Variants in EIPR1 observed in about 807,000 individuals in gnomAD.
EIPR1 encodes the protein EARP complex and GARP complex interacting protein 1.
In EIPR1, 25 loss-of-function variants were observed where a neutral mutation model predicts 48.1. The ratio of observed to expected loss-of-function variants is 0.52; its 90% CI spans 0.38 to 0.73. The LOEUF (loss-of-function observed/expected upper bound fraction) is 0.73, where lower values mean the gene tolerates loss of function less well. EIPR1 is among the 30% of genes least tolerant of loss of function. The pLI is 0.00. For synonymous variants in EIPR1, 204 were observed against 201.9 expected (o/e 1.01, Z -0.09); for missense variants, 415 against 506.2 (o/e 0.82, Z 1.73).
intron 3 of EIPR1, among the ~76,000 whole-genome samples, chr2:3,288,914 A>G (rs1360858709): frequency 6.6e-6 from 1 of 152,206 alleles, no homozygotes; most frequent in Non-Finnish European, 1.5e-5. Flanking sequence ...AGGCCCCAGC[A>G]GCCCTGGCCC....
intron 5 of EIPR1, among the ~76,000 whole-genome samples, chr2:3,213,525 T>C (rs1294420246): frequency 6.6e-6 from 1 of 152,222 alleles, no homozygotes; most frequent in East Asian, 1.9e-4. Context: ...TGCTCCTACT[T>C]AAAACTATGA....
intron 2 of EIPR1, among the ~76,000 whole-genome samples, chr2:3,345,024 C>T (rs1287226299): frequency 6.6e-6 from 1 of 152,162 alleles, no homozygotes; most frequent in Admixed American, 6.5e-5. Flanking sequence ...ACAGTACACT[C>T]GGCAGTGGGA....
chr2:3,285,010 T>C (rs1002626917), intron 3 of EIPR1, among the ~76,000 whole-genome samples: 3 of 152,110 alleles, frequency 2.0e-5, no homozygotes, highest in African/African-American at 7.2e-5. Flanking sequence ...AAGGGCAAGA[T>C]AGTGAAAGTC....
At chr2:3,310,652 CAAA>C (rs751422009) in intron 3 of EIPR1, among the ~76,000 whole-genome samples, 1 of 55,298 alleles carries the variant, frequency 1.8e-5, no homozygotes, top group Non-Finnish European at 4.0e-5. Context: ...GACTCCGTCT[CAAA>C]AAAAAAAAAA....
At chr2:3,269,435 A>G (rs1488639175) in intron 3 of EIPR1, among the ~76,000 whole-genome samples, 7 of 97,778 alleles carry the variant, frequency 7.2e-5, no homozygotes, top group African/African-American at 1.7e-4. Context: ...ATCACACTCA[A>G]TCATCACCAC....
At chr2:3,337,925 C>G in intron 3 of EIPR1, 92 bp downstream of exon 3, 1 of 1,378,516 alleles carries the variant, frequency 7.3e-7, no homozygotes. Flanking sequence ...TCTTTTCAGT[C>G]ATGTGTCGAC....
In EIPR1 at chr2:3,207,041, G is replaced by A. The variant is rs546214738; in HGVS notation, c.516+7108C>T. On this transcript the variant is annotated intron_variant, in intron 5 of 8. Coordinates refer to ENST00000382125, the MANE Select transcript of EIPR1 (RefSeq NM_003310.5). Reference sequence around the variant, plus strand: ...CTCAAGTTCTGTCTTGCCTCTGCACGAGGGTCTTCTTGGTGACCCTCCTAT... The same window carrying A: ...CTCAAGTTCTGTCTTGCCTCTGCACAAGGGTCTTCTTGGTGACCCTCCTAT... 2.6e-4 allele frequency among the ~76,000 whole-genome samples: 40 copies of A among 152,236 alleles called. 1 individual carries two copies. In the East Asian group the frequency reaches 6.8e-3, roughly 26 times the overall value.
intron 1 of EIPR1, among the ~76,000 whole-genome samples, chr2:3,362,551 A>C (rs1670875174): frequency 6.6e-6 from 1 of 151,334 alleles, no homozygotes; most frequent in Admixed American, 6.6e-5. Flanking sequence ...TGAAGGCTTC[A>C]TTTCTTTCCT....
chr2:3,345,204 G>A (rs187566440), intron 2 of EIPR1, among the ~76,000 whole-genome samples: 2 of 152,282 alleles, frequency 1.3e-5, no homozygotes, highest in East Asian at 1.9e-4. Flanking sequence ...AGCAGAGAAC[G>A]GGGCTGAAGT....
At chr2:3,376,074 A>C (rs1659868031) in intron 1 of EIPR1, among the ~76,000 whole-genome samples, 1 of 152,084 alleles carries the variant, frequency 6.6e-6, no homozygotes, top group African/African-American at 2.4e-5. Context: ...CAGGAGTGTG[A>C]GACCAGCCTG....
chr2:3,352,542 C>T (rs1020709230), intron 2 of EIPR1, among the ~76,000 whole-genome samples: 4 of 152,238 alleles, frequency 2.6e-5, no homozygotes, highest in African/African-American at 4.8e-5. Context: ...ACCATCAACA[C>T]CTTATGGCTT....
rs1435304790 is a variant in EIPR1 at position 3,193,982 on chromosome 2, G to A, written c.821+17C>T. On this transcript the variant is annotated intron_variant, in intron 7 of 8. Transcript: ENST00000382125. ...GCGTAATCCCCTCCTCCCTGAAGCA[G>A]CCAGGAGCGGCCCTACCAGTGGGAG... is the stretch of plus-strand genomic sequence containing the variant. The A allele has an allele frequency of 6.2e-7, 1 of 1,612,754 alleles. No individual in the cohort carries two copies. Among genetic ancestry groups the A allele is most frequent in the South Asian group, 1.1e-5 (1 of 91,062 alleles).
chr2:3,359,119 AT>A (rs2103381468), intron 1 of EIPR1, among the ~76,000 whole-genome samples: 1 of 152,358 alleles, frequency 6.6e-6, no homozygotes, highest in Non-Finnish European at 1.5e-5. Flanking sequence ...ATGATAGACG[AT>A]TAAGTATCAA....
At chr2:3,190,641 G>A (rs1664573768) in intron 8 of EIPR1, among the ~76,000 whole-genome samples, 2 of 152,224 alleles carry the variant, frequency 1.3e-5, no homozygotes, top group South Asian at 4.2e-4. Context: ...GGCCCATCAG[G>A]CTCCTCCCCT....
chr2:3,193,601 T>C (rs1416203715), intron 7 of EIPR1, among the ~76,000 whole-genome samples: 1 of 152,202 alleles, frequency 6.6e-6, no homozygotes, highest in Non-Finnish European at 1.5e-5. Flanking sequence ...CACATAGAGA[T>C]GCTCCACATT....
intron 1 of EIPR1, among the ~76,000 whole-genome samples, chr2:3,360,847 G>C (rs1392981288): frequency 6.6e-6 from 1 of 151,814 alleles, no homozygotes; most frequent in African/African-American, 2.4e-5. Flanking sequence ...TCTCCCTCCA[G>C]AAAGGACCGC....
intron 5 of EIPR1, among the ~76,000 whole-genome samples, chr2:3,201,100 C>A (rs1665019460): frequency 6.6e-6 from 1 of 152,308 alleles, no homozygotes; most frequent in South Asian, 2.1e-4. Flanking sequence ...CAGGCACGTG[C>A]TCCCACCCTG....
intron 3 of EIPR1, among the ~76,000 whole-genome samples, chr2:3,280,231 C>A (rs1667973868): frequency 6.6e-6 from 1 of 152,236 alleles, no homozygotes; most frequent in Non-Finnish European, 1.5e-5. Flanking sequence ...GAGTCCGGAG[C>A]CTCACAGGTT....
chr2:3,350,026 G>A (rs1004748019), intron 2 of EIPR1, among the ~76,000 whole-genome samples: 1 of 145,654 alleles, frequency 6.9e-6, no homozygotes, highest in African/African-American at 2.5e-5. Context: ...TCTGAGGCAG[G>A]AGAATCGCTT....
Sources: gnomAD v4.1 joint callset for allele counts (sites outside exome capture counted in the v4.1 genomes callset) on GRCh38, gnomAD v4.1.1 for gene constraint, MANE v1.5 for transcripts, NCBI Gene and HGNC (gene_info 2026-07-23, HGNC 2026-07-21) for gene names.